OR9Q1: variants seen among roughly 807,000 people sequenced by gnomAD.
OR9Q1 encodes olfactory receptor 9Q1.
For synonymous variants in OR9Q1, 153 were observed against 148.6 expected (o/e 1.03, Z -0.22); for missense variants, 374 against 378.8 (o/e 0.99, Z 0.11).
intron 2 of OR9Q1, among the ~76,000 whole-genome samples, chr11:58,066,469 G>A (rs1853430688): frequency 6.6e-6 from 1 of 152,082 alleles, no homozygotes; most frequent in Non-Finnish European, 1.5e-5. Context: ...ACCTGCTGGG[G>A]CTTCCATGGG....
At chr11:58,179,266 TC>T (rs1854636396) in intron 2 of OR9Q1, among the ~76,000 whole-genome samples, 164 bp from the exon 3 acceptor site, 1 of 152,050 alleles carries the variant, frequency 6.6e-6, no homozygotes, top group Admixed American at 6.6e-5. Flanking sequence ...GCTCAAGTGA[TC>T]CCACTGCCTC....
intron 2 of OR9Q1, chr11:58,073,684 T>C (rs898689514): frequency 8.5e-5 from 13 of 152,232 alleles, no homozygotes; most frequent in Admixed American, 2.0e-4. Flanking sequence ...GTGCAGAACA[T>C]GCAGGTTTGT....
At chr11:58,065,551 C>T (rs1432553934) in intron 2 of OR9Q1, among the ~76,000 whole-genome samples, 1 of 152,198 alleles carries the variant, frequency 6.6e-6, no homozygotes, top group African/African-American at 2.4e-5. Flanking sequence ...GCCTTGGAAA[C>T]AGTTCAGATA....
intron 2 of OR9Q1, among the ~76,000 whole-genome samples, chr11:58,128,386 T>C (rs1042031336): frequency 6.6e-6 from 1 of 151,802 alleles, no homozygotes; most frequent in African/African-American, 2.4e-5. Flanking sequence ...GTAGGACAAA[T>C]GGCAAAGCTG....
intron 2 of OR9Q1, chr11:58,118,068 G>A (rs972018481): frequency 6.5e-6 from 1 of 154,584 alleles, no homozygotes; most frequent in Non-Finnish European, 1.4e-5. Context: ...AGAAAAAAAG[G>A]CCAATTTGTG....
intron 2 of OR9Q1, chr11:58,119,438 T>C: frequency 1.3e-6 from 2 of 1,599,628 alleles, no homozygotes; most frequent in South Asian, 2.2e-5. Flanking sequence ...AGATTATTCT[T>C]GGCCATGGAG....
intron 2 of OR9Q1, among the ~76,000 whole-genome samples, chr11:58,159,701 TA>T (rs1411974918): frequency 1.3e-5 from 2 of 152,240 alleles, no homozygotes; most frequent in Non-Finnish European, 2.9e-5. Context: ...TGCCACAGTC[TA>T]AAACAATTTG....
intron 2 of OR9Q1, among the ~76,000 whole-genome samples, chr11:58,104,673 G>A (rs1395763348): frequency 2.0e-5 from 3 of 152,100 alleles, no homozygotes; most frequent in African/African-American, 7.2e-5. Flanking sequence ...TTTTATCTTT[G>A]ATGGGCTCCT....
chr11:58,065,721 C>G (rs1178712282), intron 2 of OR9Q1, among the ~76,000 whole-genome samples: 2 of 152,122 alleles, frequency 1.3e-5, no homozygotes, highest in East Asian at 1.9e-4. Context: ...GCTCTGCTGT[C>G]CAGCAAATTT....
At chr11:58,142,052 A>C (rs186863794) in intron 2 of OR9Q1, among the ~76,000 whole-genome samples, 2 of 152,292 alleles carry the variant, frequency 1.3e-5, no homozygotes, top group East Asian at 3.9e-4. Context: ...ATGCAAGTAC[A>C]TATGTACAGT....
chr11:58,088,530 G>C (rs1307156694), intron 2 of OR9Q1, among the ~76,000 whole-genome samples: 4 of 151,894 alleles, frequency 2.6e-5, no homozygotes, highest in African/African-American at 9.7e-5. Context: ...GGAATGAGAT[G>C]GTATCTCATT....
At chr11:58,084,842 A>G (rs1053612419) in intron 2 of OR9Q1, among the ~76,000 whole-genome samples, 8 of 151,868 alleles carry the variant, frequency 5.3e-5, no homozygotes, top group African/African-American at 1.9e-4. Context: ...ATCACACTGA[A>G]TGGGAAAAAG....
In OR9Q1 at chr11:58,179,947, T is replaced by A; in HGVS notation, c.503T>A (p.Phe168Tyr). ...ACAGTCTCAGCCTTCACTCTCTCCT[T>A]CTGTGGAACCAGTGAGATTGACTTT... Reference protein sequence around the residue: ...VRTVSAFTLSFCGTSEIDFIF... With the variant: ...VRTVSAFTLSYCGTSEIDFIF... The change falls in exon 3 of 3, where the codon TTC becomes TAC. Residue 168 changes from phenylalanine (F) to tyrosine (Y), a missense_variant. Physicochemically the swap from Phe to Tyr is conservative, Grantham distance 22. Coordinates refer to ENST00000335397, the MANE Select transcript of OR9Q1 (RefSeq NM_001005212.4). 6.2e-7 allele frequency: 1 copy of A among 1,612,854 alleles called. No homozygotes were observed. Among genetic ancestry groups the A allele is most frequent in the Non-Finnish European group, 8.5e-7 (1 of 1,180,022 alleles).
intron 2 of OR9Q1, among the ~76,000 whole-genome samples, chr11:58,114,989 G>T (rs1371039539): frequency 6.6e-6 from 1 of 152,100 alleles, no homozygotes; most frequent in Non-Finnish European, 1.5e-5. Flanking sequence ...CTGTCCACAT[G>T]GCTTACCTGT....
intron 1 of OR9Q1, among the ~76,000 whole-genome samples, chr11:58,039,235 C>T (rs1040602316): frequency 7.2e-5 from 11 of 152,168 alleles, no homozygotes; most frequent in East Asian, 3.9e-4. Flanking sequence ...GTGATCCACC[C>T]GCCTTGGCCT....
chr11:58,167,963 C>T (rs1446103719), intron 2 of OR9Q1, among the ~76,000 whole-genome samples: 4 of 152,148 alleles, frequency 2.6e-5, no homozygotes, highest in Non-Finnish European at 4.4e-5. Flanking sequence ...GGTGGAGCTG[C>T]CATCACATTG....
Position 58,084,210 on chromosome 11 carries a change from C to T in OR9Q1, c.-15+28263C>T, listed in dbSNP as rs1053821902. On this transcript the variant is annotated intron_variant, in intron 2 of 2. Coordinates refer to ENST00000335397, the MANE Select transcript of OR9Q1 (RefSeq NM_001005212.4). ...GCGGTATTCCTTGGTATTTCATTTT[C>T]TTTGTGGTTATTATAAATGGGATTA... 4.6e-5 allele frequency among the ~76,000 whole-genome samples: 7 copies of T among 151,642 alleles called. 1 individual carries two copies. The highest frequency in any genetic ancestry group is 1.7e-4 in the African/African-American group (7 of 41,098).
At chr11:58,058,102 G>A (rs1853344689) in intron 2 of OR9Q1, among the ~76,000 whole-genome samples, 1 of 152,192 alleles carries the variant, frequency 6.6e-6, no homozygotes, top group Non-Finnish European at 1.5e-5. Flanking sequence ...AATGGACAGG[G>A]ACTGGGAAAG....
intron 2 of OR9Q1, among the ~76,000 whole-genome samples, chr11:58,146,343 T>A (rs1034424378): frequency 6.6e-6 from 1 of 152,192 alleles, no homozygotes; most frequent in African/African-American, 2.4e-5. Context: ...TTTAATGACT[T>A]CCTCATCTGC....
Sources: allele counts gnomAD v4.1 joint callset (sites outside exome capture counted in the v4.1 genomes callset), GRCh38; gene constraint gnomAD v4.1.1; transcripts MANE v1.5; gene names NCBI Gene and HGNC (gene_info 2026-07-23, HGNC 2026-07-21).